Variants in LRBA observed in about 807,000 individuals in gnomAD.
LRBA encodes the protein LPS responsive beige-like anchor protein.
Under a neutral mutation model 330.0 loss-of-function variants are expected in LRBA, and 176 were observed. The ratio of observed to expected loss-of-function variants is 0.53; its 90% CI spans 0.47 to 0.60. The LOEUF is 0.60. LRBA is among the 20% of genes least tolerant of loss of function. LRBA has a pLI of 0.00. For missense variants in LRBA, 3,259 were observed against 3,444.8 expected (o/e 0.95, Z 1.35); for synonymous variants, 1,230 against 1,193.0 (o/e 1.03, Z -0.64).
At chr4:150,609,544 G>A (rs4358377) in intron 37 of LRBA, among the ~76,000 whole-genome samples, 133,183 of 152,172 alleles carry the variant, frequency 0.88, 59,193 homozygotes, top group Non-Finnish European at 0.95. Context: ...ATAATCTAGT[G>A]AAGTCAGGAA....
intron 20 of LRBA, among the ~76,000 whole-genome samples, chr4:150,868,806 C>T (rs1026528918): frequency 2.6e-5 from 4 of 152,076 alleles, no homozygotes; most frequent in South Asian, 2.1e-4. Context: ...GGTGTGGTGG[C>T]GTGTGCCTGT....
At position 150,435,695 on chromosome 4, in the gene LRBA, G is replaced by C; in HGVS notation, c.6935C>G (p.Thr2312Ser). The C allele has an allele frequency of 6.3e-7, 1 of 1,599,724 alleles. No individual in the cohort carries two copies. The highest frequency in any genetic ancestry group is 8.5e-7 in the Non-Finnish European group (1 of 1,175,770). Residue 2312 changes from threonine (T) to serine (S), a missense_variant, in exon 46 of 57, where the codon ACT (threonine) becomes AGT (serine). By Grantham distance (58) the Thr-to-Ser change is moderately conservative. Transcript: ENST00000651943. ...AWLLRIEPFT[T>S]YFLNLQGGKF... is the part of the protein sequence containing the mutation. ...GCCTCCTTGCAAATTTAGGAAATAAGTTGTAAAGGGTTCCTAAAAAATAGC... is the reference window on the plus strand; with the variant it reads ...GCCTCCTTGCAAATTTAGGAAATAACTTGTAAAGGGTTCCTAAAAAATAGC...
intron 17 of LRBA, among the ~76,000 whole-genome samples, chr4:150,891,809 C>G (rs1202725438): frequency 6.6e-6 from 1 of 152,102 alleles, no homozygotes; most frequent in African/African-American, 2.4e-5. Flanking sequence ...CACTTTTTAT[C>G]TTATAGAGAA....
At chr4:151,003,212 T>C (rs937765566) in intron 2 of LRBA, among the ~76,000 whole-genome samples, 4 of 151,882 alleles carry the variant, frequency 2.6e-5, no homozygotes, top group Admixed American at 6.6e-5. Context: ...CTAGCCAACA[T>C]GGTGAAACCC....
chr4:150,460,355 C>G lies in LRBA; in HGVS notation c.6780+7318G>C, dbSNP rs573910930. Among the ~76,000 whole-genome samples the G allele has an allele frequency of 4.0e-4, 60 of 151,736 alleles. 1 individual carries two copies. The highest frequency in any genetic ancestry group is 1.4e-3 in the African/African-American group (57 of 41,468). On this transcript the variant is annotated intron_variant, in intron 44 of 56. Transcript: ENST00000651943. ...CACTTACTTTTCCTGAAAGAGAGAG[C>G]GAGAAACAGAAACATATACTAAGCA...
rs565091328 is a variant in LRBA, at chr4:150,466,963, C to T, written c.6780+710G>A. Among the ~76,000 whole-genome samples the T allele has an allele frequency of 5.9e-5, 9 of 152,158 alleles. No individual in the cohort carries two copies. The East Asian group carries it at 1.4e-3, about 23-fold the overall frequency. ...AATTCCCACTATAAGAGGTCCCACC[C>T]GGGCTCCTCAAAGAAACAGATGATT... On this transcript the variant is annotated intron_variant, in intron 44 of 56. Transcript: ENST00000651943.
At chr4:150,348,416 C>G (rs1581080050) in intron 48 of LRBA, among the ~76,000 whole-genome samples, 2 of 152,110 alleles carry the variant, frequency 1.3e-5, no homozygotes, top group African/African-American at 4.8e-5. Flanking sequence ...TTGAGAGAAA[C>G]AGTGTTAAGC....
intron 37 of LRBA, among the ~76,000 whole-genome samples, chr4:150,635,001 G>A (rs547899116): frequency 1.3e-5 from 2 of 152,302 alleles, no homozygotes; most frequent in South Asian, 4.1e-4. Context: ...ATCTGCCTAA[G>A]CGGGGGATTT....
At chr4:150,487,884 G>T (rs749515288) in intron 41 of LRBA, 50 bp from the exon 42 acceptor site, 7 of 967,110 alleles carry the variant, frequency 7.2e-6, no homozygotes, top group Non-Finnish European at 9.6e-6. Context: ...CTTCCTTTCT[G>T]GAAAACTGAC....
chr4:150,725,001 T>C (rs1729481882), intron 36 of LRBA, among the ~76,000 whole-genome samples: 1 of 151,340 alleles, frequency 6.6e-6, no homozygotes, highest in East Asian at 1.9e-4. Context: ...AGTCTCTTAA[T>C]AGCAGAACTG....
rs547218775 is a variant in LRBA, at chr4:150,559,505, G to A, written c.6330+28543C>T. Among the ~76,000 whole-genome samples, 104 of 140,974 alleles carry A rather than the reference G, an allele frequency of 7.4e-4. 2 individuals are homozygous for A. In the South Asian group the frequency reaches 0.021, roughly 28 times the overall value. The allele number at this position is 140,974 out of a possible 152,430, so 92.5% of individuals were successfully genotyped here. ...GAACCCGGGAGGTGGAGGTTGCAGT[G>A]AGACTCCATCTCAAAAAAATATATA... On this transcript the variant is annotated intron_variant, in intron 40 of 56. Coordinates refer to ENST00000651943, the MANE Select transcript of LRBA (RefSeq NM_001364905.1).
chr4:150,381,875 C>G (rs751524564), intron 47 of LRBA, among the ~76,000 whole-genome samples: 4 of 152,128 alleles, frequency 2.6e-5, no homozygotes, highest in Non-Finnish European at 5.9e-5. Context: ...TGGTATCTCA[C>G]GTGAGGTGGT....
chr4:150,353,277 C>T (rs1006184819), intron 47 of LRBA, among the ~76,000 whole-genome samples: 1 of 151,978 alleles, frequency 6.6e-6, no homozygotes, highest in Non-Finnish European at 1.5e-5. Context: ...AAATAAAAAA[C>T]GTGTAGTTCA....
At chr4:150,918,817 A>G (rs1012415513) in intron 5 of LRBA, among the ~76,000 whole-genome samples, 3 of 152,290 alleles carry the variant, frequency 2.0e-5, no homozygotes, top group Middle Eastern at 3.4e-3. Context: ...ACCCTTATAC[A>G]TTGCTGTGGG....
At chr4:150,411,881 G>A (rs940570782) in intron 47 of LRBA, among the ~76,000 whole-genome samples, 1 of 152,236 alleles carries the variant, frequency 6.6e-6, no homozygotes, top group East Asian at 1.9e-4. Context: ...AATTGAAGTG[G>A]TAAACCAAAA....
chr4:150,352,110 G>A (rs1012657583), intron 47 of LRBA, among the ~76,000 whole-genome samples: 1 of 152,100 alleles, frequency 6.6e-6, no homozygotes, highest in Non-Finnish European at 1.5e-5. Context: ...CATTGAAATT[G>A]ATTTTTATTT....
intron 2 of LRBA, among the ~76,000 whole-genome samples, chr4:150,956,986 C>T (rs1222129190): frequency 6.7e-6 from 1 of 148,882 alleles, no homozygotes; most frequent in Middle Eastern, 3.2e-3. Flanking sequence ...CACATACACA[C>T]TCACACATAA....
At chr4:150,967,274 C>T (rs1402702248) in intron 2 of LRBA, among the ~76,000 whole-genome samples, 2 of 152,188 alleles carry the variant, frequency 1.3e-5, no homozygotes, top group Non-Finnish European at 2.9e-5. Context: ...TCATCACCTA[C>T]AGAATAAAAT....
At chr4:150,489,107 A>G (rs1482418800) in intron 41 of LRBA, among the ~76,000 whole-genome samples, 11 of 101,456 alleles carry the variant, frequency 1.1e-4, no homozygotes, top group Admixed American at 3.8e-4. Context: ...ACAATATATT[A>G]TATATCATAT....
Sources: allele counts gnomAD v4.1 joint callset (sites outside exome capture counted in the v4.1 genomes callset), GRCh38; gene constraint gnomAD v4.1.1; transcripts MANE v1.5; gene names NCBI Gene and HGNC (gene_info 2026-07-23, HGNC 2026-07-21).